Variants in TTC7A observed in about 807,000 individuals in gnomAD.
TTC7A encodes the protein tetratricopeptide repeat protein 7A.
In TTC7A, 110 loss-of-function variants were observed where a neutral mutation model predicts 103.7. The observed-to-expected ratio is 1.06, with a 90% CI of 0.91 to 1.24. The LOEUF (loss-of-function observed/expected upper bound fraction) is 1.24, where lower values mean the gene tolerates loss of function less well. Ranked by LOEUF, TTC7A falls within the 50% of genes most tolerant of loss-of-function variation. The pLI is 0.00. For synonymous variants in TTC7A, 521 were observed against 467.9 expected (o/e 1.11, Z -1.47); for missense variants, 1,340 against 1,116.3 (o/e 1.20, Z -2.86).
At chr2:46,918,433 C>T (rs1372524898) in intron 2 of TTC7A, among the ~76,000 whole-genome samples, 1 of 152,200 alleles carries the variant, frequency 6.6e-6, no homozygotes, top group African/African-American at 2.4e-5. Context: ...ACTGACCGTC[C>T]TGCTTCCATT....
chr2:47,037,139 C>A (rs532096966), intron 15 of TTC7A, among the ~76,000 whole-genome samples: 1 of 152,232 alleles, frequency 6.6e-6, no homozygotes, highest in East Asian at 1.9e-4. Flanking sequence ...CACTTTGTCC[C>A]CGGAGCCCCT....
At chr2:46,970,224 A>G (rs1302286001) in intron 3 of TTC7A, among the ~76,000 whole-genome samples, 1 of 152,124 alleles carries the variant, frequency 6.6e-6, no homozygotes, top group Non-Finnish European at 1.5e-5. Context: ...CCTAAGGTCA[A>G]GCAGTCGCTT....
At chr2:47,019,247 T>C (rs1679017256) in intron 11 of TTC7A, among the ~76,000 whole-genome samples, 1 of 152,104 alleles carries the variant, frequency 6.6e-6, no homozygotes, top group African/African-American at 2.4e-5. Flanking sequence ...GAAATCAAAA[T>C]TATGGCCGGA....
Position 46,950,506 on chromosome 2 carries a change from C to CT in TTC7A, c.330dup (p.Asn111Ter). 2 of 1,614,112 alleles carry CT rather than the reference C, an allele frequency of 1.2e-6. No individual in the cohort carries two copies. Among genetic ancestry groups the CT allele is most frequent in the Non-Finnish European group, 1.7e-6 (2 of 1,180,014 alleles). ...AGCCAAAAATTATCTAAGCAGTATC[C>CT]TTAACCATGGGAGGCTCTCGGTAAG... is the stretch of plus-strand genomic sequence containing the variant. On this transcript the variant is annotated frameshift_variant, in exon 2 of 20. Coordinates refer to ENST00000319190, the MANE Select transcript of TTC7A (RefSeq NM_020458.4). LOFTEE classifies it high-confidence loss of function.
At chr2:47,032,136 C>T (rs1235162212) in intron 15 of TTC7A, among the ~76,000 whole-genome samples, 1 of 152,256 alleles carries the variant, frequency 6.6e-6, no homozygotes, top group Non-Finnish European at 1.5e-5. Flanking sequence ...TGCCGTTGGT[C>T]AGGGGCTGCC....
chr2:47,021,092 TC>T (rs1679230608), intron 11 of TTC7A, among the ~76,000 whole-genome samples: 1 of 152,228 alleles, frequency 6.6e-6, no homozygotes, highest in Non-Finnish European at 1.5e-5. Flanking sequence ...ATCCCTGCCC[TC>T]TCTGGAAACT....
intron 13 of TTC7A, 52 bp from the exon 14 acceptor site, chr2:47,024,235 G>T (rs372366176): frequency 1.3e-6 from 2 of 1,505,216 alleles, no homozygotes; most frequent in Admixed American, 1.9e-5. Flanking sequence ...CGAGTCACAC[G>T]TTGGTCACTC....
intron 1 of TTC7A, among the ~76,000 whole-genome samples, chr2:46,946,683 A>G (rs1008640773): frequency 6.6e-6 from 1 of 152,160 alleles, no homozygotes; most frequent in Non-Finnish European, 1.5e-5. Flanking sequence ...CGGCCTCCCA[A>G]AGTGCTGGGA....
chr2:46,934,066 G>C (rs992995176), intron 2 of TTC7A, among the ~76,000 whole-genome samples: 2 of 152,168 alleles, frequency 1.3e-5, no homozygotes, highest in Non-Finnish European at 2.9e-5. Flanking sequence ...AAGGCGAGGA[G>C]AATGTCATAA....
chr2:47,011,473 G>A (rs1678047095), intron 11 of TTC7A, 38 bp downstream of exon 11: 2 of 1,506,706 alleles, frequency 1.3e-6, no homozygotes, highest in Non-Finnish European at 1.8e-6. Context: ...GAGGCCTCCT[G>A]TGGGGAGGGT....
intron 3 of TTC7A, among the ~76,000 whole-genome samples, chr2:46,968,618 T>C (rs1673066627): frequency 6.6e-6 from 1 of 152,170 alleles, no homozygotes; most frequent in African/African-American, 2.4e-5. Flanking sequence ...CTCCAGAAAC[T>C]TTTTGGCCCT....
At chr2:47,068,213 A>T (rs1055073926) in intron 19 of TTC7A, 3 of 152,122 alleles carry the variant, frequency 2.0e-5, no homozygotes, top group Admixed American at 6.5e-5. Context: ...GCAGCTGAGG[A>T]ATGACACTCA....
intron 3 of TTC7A, among the ~76,000 whole-genome samples, chr2:46,969,094 G>T (rs1673121610): frequency 6.6e-6 from 1 of 151,654 alleles, no homozygotes; most frequent in South Asian, 2.1e-4. Flanking sequence ...AGATTAATTT[G>T]CTTTTTTGAA....
intron 10 of TTC7A, among the ~76,000 whole-genome samples, chr2:47,009,483 G>C (rs1178959986): frequency 6.6e-6 from 1 of 152,114 alleles, no homozygotes; most frequent in Non-Finnish European, 1.5e-5. Flanking sequence ...TAATAAGTCT[G>C]AGCCAAAGCC....
At chr2:46,969,958 C>T (rs1236751444) in intron 3 of TTC7A, among the ~76,000 whole-genome samples, 1 of 152,178 alleles carries the variant, frequency 6.6e-6, no homozygotes, top group Non-Finnish European at 1.5e-5. Context: ...TTAACTCTAC[C>T]TGGCAGGGTT....
At chr2:47,029,503 A>T (rs962011953) in intron 15 of TTC7A, 119 bp downstream of exon 15, 2 of 1,134,642 alleles carry the variant, frequency 1.8e-6, no homozygotes, top group Non-Finnish European at 1.3e-6. Flanking sequence ...CACCCGCTGC[A>T]TGCACAATCC....
chr2:47,010,310 C>A (rs949079066), intron 10 of TTC7A, among the ~76,000 whole-genome samples: 2 of 152,192 alleles, frequency 1.3e-5, no homozygotes, highest in Non-Finnish European at 2.9e-5. Flanking sequence ...ATGTAATGCA[C>A]ATGGCTGTGT....
chr2:47,060,614 C>T (rs920401163), intron 18 of TTC7A, among the ~76,000 whole-genome samples, 155 bp from the exon 19 acceptor site: 16 of 152,202 alleles, frequency 1.1e-4, no homozygotes, highest in Non-Finnish European at 2.2e-4. Flanking sequence ...AGTGTTCCCA[C>T]TACATCCTAT....
rs1056526121 is a variant in TTC7A at position 46,952,762 on chromosome 2, A to T, written c.348+2236A>T. ...GCAAGATCCTGTCTCACACACACAA[A>T]AAAAGTTCTTGTTTTCCAACCTCAC... is the stretch of plus-strand genomic sequence containing the variant. On this transcript the variant is annotated intron_variant, in intron 2 of 19. Coordinates refer to ENST00000319190, the MANE Select transcript of TTC7A (RefSeq NM_020458.4). Among the ~76,000 whole-genome samples the T allele has an allele frequency of 2.0e-5, 3 of 152,118 alleles. No homozygotes were observed. The East Asian group carries it at 5.8e-4, about 29-fold the overall frequency.
Sources: gnomAD v4.1 joint callset for allele counts (sites outside exome capture counted in the v4.1 genomes callset) on GRCh38, gnomAD v4.1.1 for gene constraint, MANE v1.5 for transcripts, NCBI Gene and HGNC (gene_info 2026-07-23, HGNC 2026-07-21) for gene names.